Variants in ABCG2 observed in about 807,000 individuals in gnomAD.
The protein encoded by ABCG2 is ATP binding cassette subfamily G member 2 (JR blood group), also known as broad substrate specificity ATP-binding cassette transporter ABCG2.
ABCG2 carries 80 observed loss-of-function variants against 73.5 expected under a neutral mutation model. The observed-to-expected ratio is 1.09, with a 90% CI of 0.91 to 1.31. The LOEUF (loss-of-function observed/expected upper bound fraction) is 1.31, where lower values mean the gene tolerates loss of function less well. Ranked by LOEUF, ABCG2 falls within the 50% of genes most tolerant of loss-of-function variation. The pLI is 0.00. For synonymous variants in ABCG2, 269 were observed against 282.4 expected, an observed-to-expected ratio of 0.95 and a Z score of 0.48; for missense variants, 796 against 786.2, an observed-to-expected ratio of 1.01 and a Z score of -0.15.
intron 1 of ABCG2, among the ~76,000 whole-genome samples, chr4:88,142,234 TCAG>T (rs1725696912): frequency 6.6e-6 from 1 of 151,918 alleles, no homozygotes; most frequent in African/African-American, 2.4e-5. Flanking sequence ...TTAGACAGAA[TCAG>T]TATTTGAAGA....
chr4:88,097,766 G>A lies in ABCG2; in HGVS notation c.1493-159C>T, dbSNP rs4148158. On this transcript the variant is annotated intron_variant, in intron 12 of 15. Transcript: ENST00000237612. Reference sequence around the variant, plus strand: ...AACCACCCTCGGTCTCCAATGTTGTGTCTGTCCATGTAACTGCATAAAGTT... The same window carrying A: ...AACCACCCTCGGTCTCCAATGTTGTATCTGTCCATGTAACTGCATAAAGTT... Among the ~76,000 whole-genome samples the A allele has an allele frequency of 7.0e-4, 106 of 152,326 alleles. 5 individuals are homozygous for A. In the East Asian group the frequency reaches 0.02, roughly 29 times the overall value.
chr4:88,115,256 C>CTCTCTCTCTCTCTCTCTCTCACTCTCTA (rs1309360818), intron 7 of ABCG2, among the ~76,000 whole-genome samples, 198 bp from the exon 8 acceptor site: 1 of 69,872 alleles, frequency 1.4e-5, no homozygotes, highest in Non-Finnish European at 2.6e-5. Context: ...CTCTCTCTCT[C>CTCTCTCTCTCTCTCTCTCTCACTCTCTA]TATATATATA....
At chr4:88,097,746 C>T in intron 12 of ABCG2, 139 bp from the exon 13 acceptor site, 2 of 837,526 alleles carry the variant, frequency 2.4e-6, no homozygotes, top group Non-Finnish European at 3.6e-6. Context: ...TCTCCAACCA[C>T]CCTCGGTCTC....
intron 1 of ABCG2, among the ~76,000 whole-genome samples, chr4:88,172,471 C>T (rs1016435485): frequency 1.3e-5 from 2 of 151,036 alleles, no homozygotes; most frequent in African/African-American, 4.9e-5. Context: ...CCAGCTTACT[C>T]AGGAGGCTGA....
At chr4:88,201,511 C>G (rs1466830017) in intron 1 of ABCG2, among the ~76,000 whole-genome samples, 1 of 152,108 alleles carries the variant, frequency 6.6e-6, no homozygotes, top group Admixed American at 6.6e-5. Flanking sequence ...ACTTCCAAAA[C>G]AGAAAGTCCC....
At chr4:88,122,008 G>C (rs935570500) in intron 5 of ABCG2, among the ~76,000 whole-genome samples, 1 of 152,066 alleles carries the variant, frequency 6.6e-6, no homozygotes, top group Non-Finnish European at 1.5e-5. Flanking sequence ...AACTAAGCCT[G>C]ATACAAAGCA....
At position 88,181,398 on chromosome 4, in the gene ABCG2, C is replaced by CAA. The variant is rs57417105; in HGVS notation, c.-19-41386_-19-41385dup. Among the ~76,000 whole-genome samples, 139 of 96,860 alleles carry CAA rather than the reference C, an allele frequency of 1.4e-3. 3 individuals are homozygous for CAA. The highest frequency in any genetic ancestry group is 5.2e-3 in the African/African-American group (106 of 20,378). The allele number at this position is 96,860 out of a possible 152,430, so 63.5% of individuals were successfully genotyped here. A position where few individuals can be genotyped will look rare whatever the true frequency, so the allele number is the denominator to read the frequency against. ...CTGGTGACAGAGCAAGACTCCATCT[C>CAA]AAAAAAAAAAAAAAAAAAAAAAAAA... is the stretch of plus-strand genomic sequence containing the variant. On this transcript the variant is annotated intron_variant, in intron 1 of 15. Transcript: ENST00000515655.
chr4:88,105,553 G>A (rs567039609), intron 10 of ABCG2, among the ~76,000 whole-genome samples: 9 of 152,206 alleles, frequency 5.9e-5, no homozygotes, highest in African/African-American at 2.2e-4. Context: ...ACTAGGTAAG[G>A]ATCACAACAC....
At chr4:88,129,891 AGAG>A (rs1270001268) in intron 5 of ABCG2, among the ~76,000 whole-genome samples, 2 of 152,154 alleles carry the variant, frequency 1.3e-5, no homozygotes, top group Admixed American at 6.5e-5. Context: ...CCAACCCACA[AGAG>A]GAGGAGTTAC....
chr4:88,147,283 A>C (rs1726123864), intron 1 of ABCG2, among the ~76,000 whole-genome samples: 1 of 152,124 alleles, frequency 6.6e-6, no homozygotes, highest in Non-Finnish European at 1.5e-5. Flanking sequence ...CAACATGACA[A>C]GACCCTGTCT....
At chr4:88,133,891 G>C (rs566180940) in intron 2 of ABCG2, among the ~76,000 whole-genome samples, 1 of 151,922 alleles carries the variant, frequency 6.6e-6, no homozygotes, top group Non-Finnish European at 1.5e-5. Flanking sequence ...CCAGCTACTC[G>C]GGAGGCTGAG....
rs757548242 is a variant in ABCG2, at chr4:88,095,506, C to G, written c.1737+14G>C. 6.2e-7 allele frequency: 1 copy of G among 1,604,868 alleles called. No homozygotes were observed. The highest frequency in any genetic ancestry group is 8.5e-7 in the Non-Finnish European group (1 of 1,172,042). On this transcript the variant is annotated intron_variant, in intron 14 of 15. Coordinates refer to ENST00000237612, the MANE Select transcript of ABCG2 (RefSeq NM_004827.3). ...TTGGGAATGCAGTCACAGTGACAGA[C>G]AAGGAAGACATACCGTAAATCCATA... is the stretch of plus-strand genomic sequence containing the variant.
At chr4:88,104,175 A>G (rs939864877) in intron 10 of ABCG2, among the ~76,000 whole-genome samples, 2 of 152,214 alleles carry the variant, frequency 1.3e-5, no homozygotes, top group Non-Finnish European at 2.9e-5. Flanking sequence ...TTCCAGAGGT[A>G]GCTATTAATT....
intron 12 of ABCG2, among the ~76,000 whole-genome samples, chr4:88,098,208 G>A (rs1191389685): frequency 6.6e-6 from 1 of 152,226 alleles, no homozygotes; most frequent in Non-Finnish European, 1.5e-5. Context: ...ACAATCAGGA[G>A]TCTGGAGATC....
chr4:88,148,325 C>CT (rs1726191162), intron 1 of ABCG2, among the ~76,000 whole-genome samples: 1 of 152,140 alleles, frequency 6.6e-6, no homozygotes, highest in Non-Finnish European at 1.5e-5. Flanking sequence ...AGAGAAAAAG[C>CT]TGTTCTAGTA....
chr4:88,159,259 C>T (rs991876831), upstream of ABCG2: 1 of 455,118 alleles, frequency 2.2e-6, no homozygotes, highest in Non-Finnish European at 4.4e-6. Context: ...GCCGAAGCAC[C>T]GGGGACGCTG....
intron 5 of ABCG2, among the ~76,000 whole-genome samples, chr4:88,126,781 A>G (rs1165349287): frequency 6.6e-6 from 1 of 152,208 alleles, no homozygotes; most frequent in Non-Finnish European, 1.5e-5. Context: ...GTATCTCAAA[A>G]TAATAAGAGC....
intron 1 of ABCG2, among the ~76,000 whole-genome samples, chr4:88,226,229 T>C (rs868510086): frequency 6.6e-6 from 1 of 152,260 alleles, no homozygotes; most frequent in Admixed American, 6.5e-5. Flanking sequence ...CAATTCTGAT[T>C]GCACTTCCCA....
chr4:88,186,237 T>C (rs1728450944), intron 1 of ABCG2, among the ~76,000 whole-genome samples: 1 of 152,248 alleles, frequency 6.6e-6, no homozygotes, highest in East Asian at 1.9e-4. Context: ...AAGGTCATTA[T>C]GTCAAGTGAA....
Sources: allele counts gnomAD v4.1 joint callset (sites outside exome capture counted in the v4.1 genomes callset), GRCh38; gene constraint gnomAD v4.1.1; transcripts MANE v1.5; gene names NCBI Gene and HGNC (gene_info 2026-07-23, HGNC 2026-07-21).